The following CPED1 variants were observed in gnomAD, a reference collection of about 807,000 sequenced individuals.
The protein encoded by CPED1 is cadherin like and PC-esterase domain containing 1, also known as cadherin-like and PC-esterase domain-containing protein 1.
Under a neutral mutation model 128.2 loss-of-function variants are expected in CPED1, and 114 were observed. The observed-to-expected ratio is 0.89, with a 90% CI of 0.76 to 1.04. The LOEUF is 1.04. Ranked by LOEUF, CPED1 falls within the 50% of genes least tolerant of loss-of-function variation. CPED1 has a pLI of 0.00. For synonymous variants in CPED1, 462 were observed against 426.7 expected, an observed-to-expected ratio of 1.08 and a Z score of -1.02; for missense variants, 1,211 against 1,207.1, an observed-to-expected ratio of 1.00 and a Z score of -0.05.
At chr7:121,062,298 C>T (rs1793692643) in intron 4 of CPED1, among the ~76,000 whole-genome samples, 1 of 152,196 alleles carries the variant, frequency 6.6e-6, no homozygotes, top group African/African-American at 2.4e-5. Flanking sequence ...GGCTCAATTT[C>T]ATTGATTTTT....
At chr7:121,215,741 A>T (rs1201923375) in intron 16 of CPED1, among the ~76,000 whole-genome samples, 1 of 152,084 alleles carries the variant, frequency 6.6e-6, no homozygotes, top group Non-Finnish European at 1.5e-5. Flanking sequence ...CTTTTAATGA[A>T]ATTTAACACA....
intron 16 of CPED1, among the ~76,000 whole-genome samples, chr7:121,223,418 C>A (rs549524780): frequency 2.0e-4 from 30 of 152,034 alleles, no homozygotes; most frequent in Non-Finnish European, 3.8e-4. Context: ...CTACAATTCT[C>A]TTTTTTTGTT....
chr7:120,995,000 G>T (rs1336151032), intron 2 of CPED1, among the ~76,000 whole-genome samples: 1 of 152,070 alleles, frequency 6.6e-6, no homozygotes, highest in East Asian at 1.9e-4. Context: ...TGGCTCCACA[G>T]TTACCCTCTA....
chr7:121,014,576 A>AAATAAATGATGTAGAATTGATTCTATCAG (rs1792253712), intron 2 of CPED1, among the ~76,000 whole-genome samples: 1 of 151,004 alleles, frequency 6.6e-6, no homozygotes, highest in East Asian at 1.9e-4. Context: ...AATAATAATA[A>AAATAAATGATGTAGAATTGATTCTATCAG]TAAAATAAAA....
intron 16 of CPED1, among the ~76,000 whole-genome samples, chr7:121,143,936 T>G (rs1031438612): frequency 6.6e-6 from 1 of 151,898 alleles, no homozygotes; most frequent in Non-Finnish European, 1.5e-5. Context: ...AAATCCAATA[T>G]TATACTATTG....
At chr7:121,154,069 T>A (rs1789316329) in intron 16 of CPED1, among the ~76,000 whole-genome samples, 1 of 152,188 alleles carries the variant, frequency 6.6e-6, no homozygotes, top group Non-Finnish European at 1.5e-5. Context: ...AATGTGAAGA[T>A]GAAGTATTAA....
chr7:121,165,245 A>G (rs567015883), intron 16 of CPED1, among the ~76,000 whole-genome samples: 1 of 152,244 alleles, frequency 6.6e-6, no homozygotes, highest in Non-Finnish European at 1.5e-5. Context: ...TTAAGTATCC[A>G]GTATATAAAC....
chr7:121,100,426 A>C lies in CPED1; in HGVS notation c.918+332A>C, dbSNP rs781062840. On this transcript the variant is annotated intron_variant, in intron 7 of 22. Transcript: ENST00000310396. ...CACTTATTCAAGAAAAATATAGTCA[A>C]GGCAACAAATGAAAATACAATTTTG... 1.7e-4 allele frequency among the ~76,000 whole-genome samples: 26 copies of C among 152,318 alleles called. 1 individual carries two copies. In the Middle Eastern group the frequency reaches 0.01, roughly 60 times the overall value.
At chr7:121,139,904 T>C (rs1170769711) in intron 14 of CPED1, among the ~76,000 whole-genome samples, 2 of 152,136 alleles carry the variant, frequency 1.3e-5, no homozygotes, top group Non-Finnish European at 2.9e-5. Context: ...TCAATTTTAC[T>C]GATTTTTATA....
chr7:121,144,598 A>T (rs964189585), intron 16 of CPED1, among the ~76,000 whole-genome samples: 2 of 151,952 alleles, frequency 1.3e-5, no homozygotes, highest in African/African-American at 4.8e-5. Context: ...AGAAGGAATA[A>T]GGTCTAATGT....
intron 16 of CPED1, among the ~76,000 whole-genome samples, chr7:121,154,148 C>T (rs1362725571): frequency 6.6e-6 from 1 of 152,202 alleles, no homozygotes; most frequent in African/African-American, 2.4e-5. Context: ...CTGGTTATTG[C>T]AGTGAGCTCA....
chr7:121,142,187 T>C (rs760302221), intron 16 of CPED1, 46 bp downstream of exon 16: 3 of 1,457,400 alleles, frequency 2.1e-6, no homozygotes, highest in African/African-American at 2.8e-5. Context: ...GGGAATGATC[T>C]GTTAACCCAG....
At chr7:121,044,180 G>A (rs1182845633) in intron 3 of CPED1, among the ~76,000 whole-genome samples, 1 of 152,084 alleles carries the variant, frequency 6.6e-6, no homozygotes, top group Non-Finnish European at 1.5e-5. Context: ...TGAAACAAGT[G>A]AAACTTCATT....
chr7:121,086,270 T>G (rs904573541), intron 5 of CPED1, among the ~76,000 whole-genome samples: 1 of 152,142 alleles, frequency 6.6e-6, no homozygotes, highest in Non-Finnish European at 1.5e-5. Flanking sequence ...ATATCTAAAT[T>G]TTTCCAATTA....
intron 16 of CPED1, among the ~76,000 whole-genome samples, chr7:121,181,125 T>C (rs1384811653): frequency 4.6e-5 from 7 of 152,254 alleles, no homozygotes; most frequent in African/African-American, 4.8e-5. Flanking sequence ...ATGGATTTAT[T>C]GTGTTTTTGT....
At chr7:121,073,528 T>G (rs1259918133) in intron 5 of CPED1, among the ~76,000 whole-genome samples, 2 of 152,222 alleles carry the variant, frequency 1.3e-5, no homozygotes, top group African/African-American at 4.8e-5. Flanking sequence ...TACAGTTTAC[T>G]TTAGCTTCAG....
intron 7 of CPED1, among the ~76,000 whole-genome samples, chr7:121,101,728 G>A (rs1794855284): frequency 6.6e-6 from 1 of 152,054 alleles, no homozygotes; most frequent in African/African-American, 2.4e-5. Flanking sequence ...CACTGATGGT[G>A]GAAGGCAAAG....
chr7:121,188,101 T>C (rs997704449), intron 16 of CPED1, among the ~76,000 whole-genome samples: 5 of 152,170 alleles, frequency 3.3e-5, no homozygotes, highest in African/African-American at 9.6e-5. Context: ...TATAAAATAG[T>C]GTTTGTCTTT....
chr7:121,014,389 A>T (rs1343528264), intron 2 of CPED1, among the ~76,000 whole-genome samples: 1 of 151,982 alleles, frequency 6.6e-6, no homozygotes. Context: ...CATCTCTACT[A>T]AAAATACAAA....
Sources: allele counts gnomAD v4.1 joint callset (sites outside exome capture counted in the v4.1 genomes callset), GRCh38; gene constraint gnomAD v4.1.1; transcripts MANE v1.5; gene names NCBI Gene and HGNC (gene_info 2026-07-23, HGNC 2026-07-21).